Variants in AFG1L observed in about 807,000 individuals in gnomAD.
AFG1L encodes the protein AFG1-like ATPase.
In AFG1L, 53 loss-of-function variants were observed where a neutral mutation model predicts 62.2. That is an observed-to-expected ratio of 0.85 (90% CI 0.68 to 1.07). The LOEUF (loss-of-function observed/expected upper bound fraction) is 1.07. Among genes scored for constraint, AFG1L ranks in the 50% least tolerant of loss-of-function variants. The probability of loss-of-function intolerance (pLI) is 0.00; values close to 1 mark genes in which losing one functional copy is unlikely to be tolerated. For synonymous variants in AFG1L, 228 were observed against 210.3 expected, an observed-to-expected ratio of 1.08 and a Z score of -0.73; for missense variants, 555 against 590.5, an observed-to-expected ratio of 0.94 and a Z score of 0.62.
In AFG1L at chr6:108,303,406, G is replaced by A. The variant is rs529385310; in HGVS notation, c.139+8188G>A. On this transcript the variant is annotated intron_variant, in intron 1 of 12. Transcript: ENST00000368977. ...CCCAGTCTCCAGTAGTAGACTTCAG[G>A]TGTGTTAGCTCTATCTTCTCTCCTA... 6.6e-5 allele frequency among the ~76,000 whole-genome samples: 10 copies of A among 152,236 alleles called. 1 individual carries two copies. Among genetic ancestry groups the A allele is most frequent in the Admixed American group, 2.0e-4 (3 of 15,274 alleles).
intron 8 of AFG1L, among the ~76,000 whole-genome samples, chr6:108,464,006 T>A (rs565084335): frequency 2.6e-5 from 4 of 152,274 alleles, no homozygotes; most frequent in African/African-American, 9.6e-5. Flanking sequence ...CAAAGAACTC[T>A]AAGAGGAAGG....
intron 7 of AFG1L, among the ~76,000 whole-genome samples, chr6:108,428,443 T>C (rs972390657): frequency 1.3e-5 from 2 of 152,164 alleles, no homozygotes; most frequent in African/African-American, 4.8e-5. Flanking sequence ...GATGTAATGG[T>C]TTCTTTTCCT....
chr6:108,366,280 T>C lies in AFG1L; in HGVS notation c.696T>C (p.Asn232=). 1 of 1,612,006 alleles carries C rather than the reference T, an allele frequency of 6.2e-7. No homozygotes were observed. The highest frequency in any genetic ancestry group is 8.5e-7 in the Non-Finnish European group (1 of 1,178,572). The change falls in exon 6 of 13, where the codon AAT becomes AAC. Residue 232 remains asparagine, a synonymous_variant. Coordinates refer to ENST00000368977, the MANE Select transcript of AFG1L (RefSeq NM_145315.5). ...DAMILKQLFE[N]LFKNGVVVVA... ...TGATTCTGAAACAGCTTTTTGAAAA[T>C]CTGTTCAAAAACGGGGTCGTCGTTG...
At chr6:108,335,758 T>C (rs1269334160) in intron 2 of AFG1L, among the ~76,000 whole-genome samples, 2 of 152,174 alleles carry the variant, frequency 1.3e-5, no homozygotes, top group Non-Finnish European at 2.9e-5. Context: ...AAAGTGAACA[T>C]GGAAGGATTT....
intron 5 of AFG1L, among the ~76,000 whole-genome samples, chr6:108,364,865 C>CAAA (rs869268005): frequency 2.4e-4 from 23 of 94,142 alleles, no homozygotes; most frequent in East Asian, 4.9e-4. Flanking sequence ...CTGAGACAGC[C>CAAA]AAAAAAAAAA....
intron 4 of AFG1L, among the ~76,000 whole-genome samples, chr6:108,355,978 G>C (rs982258446): frequency 1.1e-4 from 17 of 152,166 alleles, no homozygotes; most frequent in African/African-American, 3.9e-4. Context: ...AGAGATTGCT[G>C]TATGAAGCTC....
At chr6:108,300,147 A>G (rs1776924736) in intron 1 of AFG1L, among the ~76,000 whole-genome samples, 1 of 147,184 alleles carries the variant, frequency 6.8e-6, no homozygotes, top group East Asian at 1.9e-4. Flanking sequence ...TTTATTCCCT[A>G]TTAGGGTTTT....
intron 1 of AFG1L, among the ~76,000 whole-genome samples, chr6:108,317,067 A>G (rs1777632912): frequency 1.3e-5 from 2 of 152,274 alleles, no homozygotes; most frequent in Admixed American, 1.3e-4. Context: ...AAAGCCCTAT[A>G]TTTATTATAT....
intron 7 of AFG1L, among the ~76,000 whole-genome samples, chr6:108,404,608 G>A (rs1284157275): frequency 6.6e-6 from 1 of 151,714 alleles, no homozygotes; most frequent in Non-Finnish European, 1.5e-5. Flanking sequence ...AGAGACTTAG[G>A]GGATACATCT....
intron 1 of AFG1L, among the ~76,000 whole-genome samples, chr6:108,301,864 C>T (rs1257163050): frequency 6.6e-6 from 1 of 152,014 alleles, no homozygotes; most frequent in Non-Finnish European, 1.5e-5. Context: ...GAGTAGCAAC[C>T]AGAGATCACT....
At chr6:108,374,407 T>G (rs901687863) in intron 6 of AFG1L, among the ~76,000 whole-genome samples, 11 of 152,190 alleles carry the variant, frequency 7.2e-5, no homozygotes, top group African/African-American at 2.7e-4. Context: ...ATAAATTGTT[T>G]CCCAAGACTG....
intron 3 of AFG1L, among the ~76,000 whole-genome samples, chr6:108,353,565 C>G (rs1010257230): frequency 1.3e-5 from 2 of 151,298 alleles, no homozygotes; most frequent in African/African-American, 4.9e-5. Context: ...CTTGCTAACA[C>G]TTGTTATTTT....
intron 3 of AFG1L, among the ~76,000 whole-genome samples, chr6:108,349,997 G>T (rs989480713): frequency 1.3e-5 from 2 of 151,854 alleles, no homozygotes; most frequent in Admixed American, 6.6e-5. Context: ...GCTGAGGGGG[G>T]CGGGTCATTG....
intron 7 of AFG1L, among the ~76,000 whole-genome samples, chr6:108,418,622 T>C (rs891564996): frequency 6.6e-6 from 1 of 152,164 alleles, no homozygotes; most frequent in African/African-American, 2.4e-5. Context: ...GGAGGAAGCT[T>C]GGTGAGTGAA....
intron 6 of AFG1L, among the ~76,000 whole-genome samples, chr6:108,385,742 C>T (rs948992753): frequency 6.6e-6 from 1 of 152,242 alleles, no homozygotes; most frequent in Middle Eastern, 3.4e-3. Context: ...CTGTTAGAAA[C>T]TTTGGAGCTC....
chr6:108,420,420 A>G (rs1306326725), intron 7 of AFG1L, among the ~76,000 whole-genome samples: 1 of 148,146 alleles, frequency 6.8e-6, no homozygotes, highest in Non-Finnish European at 1.5e-5. Flanking sequence ...ATTAAAAAAT[A>G]AAAATATATT....
chr6:108,395,812 G>A (rs1203535829), intron 6 of AFG1L, among the ~76,000 whole-genome samples: 1 of 151,604 alleles, frequency 6.6e-6, no homozygotes, highest in African/African-American at 2.4e-5. Flanking sequence ...GAAGGAGAGA[G>A]AGAGGGAGAG....
chr6:108,302,154 C>A (rs963417006), intron 1 of AFG1L, among the ~76,000 whole-genome samples: 3 of 152,078 alleles, frequency 2.0e-5, no homozygotes, highest in Non-Finnish European at 4.4e-5. Flanking sequence ...ACCATGTTGG[C>A]CAGGCTGGTC....
chr6:108,315,545 C>T (rs1007580212), intron 1 of AFG1L, among the ~76,000 whole-genome samples: 5 of 151,988 alleles, frequency 3.3e-5, no homozygotes, highest in African/African-American at 4.8e-5. Flanking sequence ...ATTCTGTATG[C>T]CTTCCTTCCT....
Sources: gnomAD v4.1 joint callset for allele counts (sites outside exome capture counted in the v4.1 genomes callset) on GRCh38, gnomAD v4.1.1 for gene constraint, MANE v1.5 for transcripts, NCBI Gene and HGNC (gene_info 2026-07-23, HGNC 2026-07-21) for gene names.